Variants in GDA observed in about 807,000 individuals in gnomAD.
GDA encodes the protein guanine deaminase, also known as cytoplasmic PSD-95 interactor.
A neutral mutation model predicts 59.6 loss-of-function variants in GDA; 18 were observed. The ratio of observed to expected loss-of-function variants is 0.30; its 90% CI spans 0.21 to 0.45. The LOEUF is 0.45. Ranked by LOEUF, GDA falls within the 20% of genes least tolerant of loss-of-function variation. The probability of loss-of-function intolerance (pLI) is 1.00; values close to 1 mark genes in which losing one functional copy is unlikely to be tolerated. For synonymous variants in GDA, 201 were observed against 201.1 expected (o/e 1.00, Z 0.00); for missense variants, 427 against 552.3 (o/e 0.77, Z 2.27).
chr9:72,181,914 A>G (rs1831271514), intron 1 of GDA, among the ~76,000 whole-genome samples: 2 of 152,200 alleles, frequency 1.3e-5, no homozygotes, highest in African/African-American at 4.8e-5. Context: ...TTACAAGAAT[A>G]TACAAAATAA....
At chr9:72,210,912 T>A in intron 4 of GDA, 138 bp downstream of exon 4, 1 of 629,424 alleles carries the variant, frequency 1.6e-6, no homozygotes, top group Non-Finnish European at 2.9e-6. Flanking sequence ...TGCAAGTAAT[T>A]ACGTGTCTAT....
chr9:72,173,921 T>TTC (rs1158627772), intron 1 of GDA, among the ~76,000 whole-genome samples: 1 of 152,080 alleles, frequency 6.6e-6, no homozygotes, highest in Non-Finnish European at 1.5e-5. Context: ...TTTCTTTTTC[T>TTC]TCTCTCTCTC....
In GDA at chr9:72,251,590, A is replaced by G. The variant is rs958829386; in HGVS notation, c.*3248A>G. ...GGTAAACTAAGAAGTGTTATAGGCA[A>G]TGACTTGAAATGGTTTTTAAATTGT... On this transcript the variant is annotated 3_prime_UTR_variant, in exon 14 of 14. Transcript: ENST00000358399. The G allele has an allele frequency of 5.9e-5, 9 of 152,274 alleles. No individual in the cohort carries two copies. In the East Asian group the frequency reaches 1.5e-3, roughly 26 times the overall value. 9.4% of individuals were successfully genotyped at this position (152,274 alleles called of 1,614,324 possible). A position where few individuals can be genotyped will look rare whatever the true frequency, so the allele number is the denominator to read the frequency against.
intron 10 of GDA, among the ~76,000 whole-genome samples, chr9:72,231,384 G>C (rs573075197): frequency 6.6e-6 from 1 of 152,096 alleles, no homozygotes; most frequent in East Asian, 1.9e-4. Context: ...AGACCAGCCT[G>C]GGAAACCTCG....
intron 6 of GDA, among the ~76,000 whole-genome samples, chr9:72,222,173 C>T (rs1014841147): frequency 1.3e-5 from 2 of 152,220 alleles, no homozygotes; most frequent in Non-Finnish European, 2.9e-5. Context: ...TACACTCTTA[C>T]CAACAGTCTA....
chr9:72,234,624 G>A (rs1838749098), intron 10 of GDA, among the ~76,000 whole-genome samples: 1 of 152,134 alleles, frequency 6.6e-6, no homozygotes, highest in African/African-American at 2.4e-5. Context: ...GAACAAATGG[G>A]ACAGATGCAA....
At chr9:72,145,486 A>T (rs1826593923), upstream of GDA, among the ~76,000 whole-genome samples, 1 of 152,208 alleles carries the variant, frequency 6.6e-6, no homozygotes, top group African/African-American at 2.4e-5. Context: ...AGAGGCTCAA[A>T]ATTAGATAAT....
chr9:72,218,623 C>G (rs2131533701), intron 5 of GDA, among the ~76,000 whole-genome samples: 1 of 152,340 alleles, frequency 6.6e-6, no homozygotes, highest in South Asian at 2.1e-4. Flanking sequence ...GGGATCACTA[C>G]CATCCCATTC....
chr9:72,246,633 T>C (rs1353256870), intron 12 of GDA, among the ~76,000 whole-genome samples: 1 of 152,122 alleles, frequency 6.6e-6, no homozygotes, highest in Non-Finnish European at 1.5e-5. Flanking sequence ...GGCCTGCTTG[T>C]TCAGATTCTT....
At chr9:72,227,922 G>C in intron 8 of GDA, 21 bp from the exon 9 acceptor site, 1 of 1,335,328 alleles carries the variant, frequency 7.5e-7, no homozygotes, top group Non-Finnish European at 1.1e-6. Context: ...TAAACTCCAC[G>C]TAGGGCACTC....
At chr9:72,203,407 A>G (rs925022106) in intron 3 of GDA, among the ~76,000 whole-genome samples, 6 of 152,174 alleles carry the variant, frequency 3.9e-5, no homozygotes, top group Admixed American at 3.9e-4. Flanking sequence ...ACACCACTAG[A>G]GGGAACTCTG....
At chr9:72,131,388 T>C (rs1357339990) in intron 1 of GDA, among the ~76,000 whole-genome samples, 3 of 152,098 alleles carry the variant, frequency 2.0e-5, no homozygotes, top group Non-Finnish European at 2.9e-5. Context: ...CATTCTTTTG[T>C]AGCTATAGAG....
At chr9:72,227,586 G>A (rs1240452569) in intron 8 of GDA, among the ~76,000 whole-genome samples, 1 of 152,098 alleles carries the variant, frequency 6.6e-6, no homozygotes, top group Non-Finnish European at 1.5e-5. Flanking sequence ...AGAAAAGAAA[G>A]TAACTTGACA....
At chr9:72,139,876 T>G (rs866546007) in intron 1 of GDA, among the ~76,000 whole-genome samples, 1 of 152,216 alleles carries the variant, frequency 6.6e-6, no homozygotes, top group Non-Finnish European at 1.5e-5. Flanking sequence ...TATCAATATT[T>G]ATGCGGGTTA....
rs552457576 is a variant in GDA at position 72,241,817 on chromosome 9, C to T, written c.1135+519C>T. On this transcript the variant is annotated intron_variant, in intron 11 of 13. Coordinates refer to ENST00000358399, the MANE Select transcript of GDA (RefSeq NM_004293.5). ...CTGAGGTGGGAGGATCATCTGAACC[C>T]GGGGAGGTAGAGGCTGCAGTGAGCA... is the stretch of plus-strand genomic sequence containing the variant. 1.5e-4 allele frequency among the ~76,000 whole-genome samples: 23 copies of T among 152,222 alleles called. No homozygotes were observed. The South Asian group carries it at 3.9e-3, about 26-fold the overall frequency.
At chr9:72,155,554 A>G (rs1177704067) in intron 1 of GDA, among the ~76,000 whole-genome samples, 2 of 152,230 alleles carry the variant, frequency 1.3e-5, no homozygotes, top group Non-Finnish European at 2.9e-5. Flanking sequence ...CAAGGTAGTC[A>G]GAGTCCAAAG....
intron 5 of GDA, chr9:72,214,893 C>G (rs1284060968): frequency 5.6e-6 from 1 of 179,332 alleles, no homozygotes; most frequent in East Asian, 1.8e-4. Context: ...GCCACCACAC[C>G]CAGCTAATTT....
chr9:72,245,267 G>C lies in GDA; in HGVS notation c.1255G>C (p.Asp419His). 6.2e-7 allele frequency: 1 copy of C among 1,610,250 alleles called. No individual in the cohort carries two copies. The highest frequency in any genetic ancestry group is 8.5e-7 in the Non-Finnish European group (1 of 1,176,596). Residue 419 changes from aspartate (D) to histidine (H), a missense_variant, in exon 12 of 14, where the codon GAT becomes CAT. Physicochemically the swap from Asp to His is moderately conservative, Grantham distance 81 (BLOSUM62 -1). Coordinates refer to ENST00000358399, the MANE Select transcript of GDA (RefSeq NM_004293.5). ...IDLFYGDFFG[D>H]ISEAVIQKFL... ...CCTGTTTTATGGGGACTTTTTTGGT[G>C]ATATTTCTGAGGTAAGTAAAAGAAA...
chr9:72,145,890 A>G (rs778351157), upstream of GDA, among the ~76,000 whole-genome samples: 11 of 152,212 alleles, frequency 7.2e-5, no homozygotes, highest in Non-Finnish European at 1.5e-4. Context: ...TGACTAAAAT[A>G]TAGGCACTAG....
Sources: gnomAD v4.1 joint callset for allele counts (sites outside exome capture counted in the v4.1 genomes callset) on GRCh38, gnomAD v4.1.1 for gene constraint, MANE v1.5 for transcripts, NCBI Gene and HGNC (gene_info 2026-07-23, HGNC 2026-07-21) for gene names.